The following PRDM16 variants were observed in gnomAD, a reference collection of about 807,000 sequenced individuals.
The protein encoded by PRDM16 is histone-lysine N-methyltransferase PRDM16.
Under a neutral mutation model 110.6 loss-of-function variants are expected in PRDM16, and 23 were observed. That is an observed-to-expected ratio of 0.21 (90% confidence interval 0.15 to 0.29). The LOEUF (loss-of-function observed/expected upper bound fraction) is 0.29. PRDM16 is among the 10% of genes least tolerant of loss of function. The probability of loss-of-function intolerance (pLI) is 1.00; values close to 1 mark genes in which losing one functional copy is unlikely to be tolerated. For synonymous variants in PRDM16, 799 were observed against 781.8 expected (o/e 1.02, Z -0.37); for missense variants, 1,615 against 1,794.3 (o/e 0.90, Z 1.81).
intron 1 of PRDM16, among the ~76,000 whole-genome samples, chr1:3,079,479 G>C (rs535112702): frequency 6.6e-6 from 1 of 152,306 alleles, no homozygotes; most frequent in East Asian, 1.9e-4. Flanking sequence ...GTAATGCAGA[G>C]AGTGTCTATT....
chr1:3,359,303 C>T lies in PRDM16; in HGVS notation c.439-25849C>T, dbSNP rs1002155837. Among the ~76,000 whole-genome samples, 9 of 152,298 alleles carry T rather than the reference C, an allele frequency of 5.9e-5. No homozygotes were observed. The highest frequency in any genetic ancestry group is 1.2e-4 in the Non-Finnish European group (8 of 68,022). ...TGTTGAAGTTGCTGACCCTCCTGGC[C>T]AAGGGCAGCTGCCTTTGTCCTGGAT... On this transcript the variant is annotated intron_variant, in intron 3 of 16. Transcript: ENST00000270722. The surrounding 1 kb of genome is among the most constrained non-coding windows in gnomAD (Gnocchi z 4.3).
At chr1:3,073,848 CCCT>C (rs1641826644) in intron 1 of PRDM16, among the ~76,000 whole-genome samples, 1 of 152,246 alleles carries the variant, frequency 6.6e-6, no homozygotes, top group African/African-American at 2.4e-5. Flanking sequence ...CCCCGGGGTC[CCCT>C]CCTCCTGGCC....
intron 12 of PRDM16, among the ~76,000 whole-genome samples, chr1:3,421,844 GCACACATGCAGACAGACAGGCAGA>G (rs1229700492): frequency 6.6e-6 from 1 of 152,246 alleles, no homozygotes; most frequent in African/African-American, 2.4e-5. Flanking sequence ...CCGTGTTTGA[GCACACATGCAGACAGACAGGCAGA>G]CACACAGGCA....
chr1:3,398,373 A>T (rs897160534), intron 5 of PRDM16, among the ~76,000 whole-genome samples: 2 of 151,678 alleles, frequency 1.3e-5, no homozygotes, highest in African/African-American at 4.9e-5. Context: ...GACTTTCCCT[A>T]CTCTTTCCTG....
chr1:3,120,795 A>T (rs922696269), intron 1 of PRDM16, among the ~76,000 whole-genome samples: 3 of 152,178 alleles, frequency 2.0e-5, no homozygotes, highest in Non-Finnish European at 4.4e-5. Flanking sequence ...GGCAGGGCCG[A>T]GCCCTGGCCA....
Position 3,326,995 on chromosome 1 carries a change from A to T in PRDM16, c.439-58157A>T, listed in dbSNP as rs545608019. ...CGCCTGCCCTGGGAGGAGCCCACGC[A>T]CAGGGCCTGGAGCGGGGCTGGGTGG... On this transcript the variant is annotated intron_variant, in intron 3 of 16. Transcript: ENST00000270722. Among the ~76,000 whole-genome samples the T allele has an allele frequency of 8.5e-5, 13 of 152,342 alleles. No individual in the cohort carries two copies. In the South Asian group the frequency reaches 2.1e-3, roughly 24 times the overall value.
In PRDM16 at chr1:3,213,339, A is replaced by G. The variant is rs1569856090; in HGVS notation, c.387+26865A>G. ...TCTGCTTAATTTGCTGACACAAATC[A>G]CCCTAACTATTTTGCTGGGGAGAGG... On this transcript the variant is annotated intron_variant, in intron 2 of 16. Transcript: ENST00000270722. This position sits in a 1 kb window ranked among gnomAD's most constrained non-coding sequence, Gnocchi z 5.3. Among the ~76,000 whole-genome samples, 1 of 132,042 alleles carries G rather than the reference A, an allele frequency of 7.6e-6. No individual in the cohort carries two copies. The highest frequency in any genetic ancestry group is 2.3e-4 in the South Asian group (1 of 4,318). The allele number at this position is 132,042 out of a possible 152,430, so 86.6% of individuals were successfully genotyped here. A position where few individuals can be genotyped will look rare whatever the true frequency, so the allele number is the denominator to read the frequency against.
At chr1:3,281,270 G>GCTGCT (rs1161949403) in intron 3 of PRDM16, among the ~76,000 whole-genome samples, 1 of 152,230 alleles carries the variant, frequency 6.6e-6, no homozygotes, top group Non-Finnish European at 1.5e-5. Context: ...AGGAGGCCTG[G>GCTGCT]CTGCTGAGAC....
At chr1:3,099,712 G>C (rs1344805947) in intron 1 of PRDM16, among the ~76,000 whole-genome samples, 1 of 152,194 alleles carries the variant, frequency 6.6e-6, no homozygotes, top group Non-Finnish European at 1.5e-5. Flanking sequence ...GCTGTAGGCT[G>C]GGGCCACCCA....
At chr1:3,205,121 G>A (rs1042380124) in intron 2 of PRDM16, among the ~76,000 whole-genome samples, 2 of 151,814 alleles carry the variant, frequency 1.3e-5, no homozygotes, top group Non-Finnish European at 2.9e-5. Flanking sequence ...CTTTTGTTTG[G>A]TGGGGGCGGG....
At chr1:3,399,815 C>T (rs2100636376) in intron 5 of PRDM16, among the ~76,000 whole-genome samples, 1 of 152,304 alleles carries the variant, frequency 6.6e-6, no homozygotes, top group Middle Eastern at 3.4e-3. Context: ...GATTGTTCTT[C>T]ATTGGGTCCA....
chr1:3,393,417 C>T (rs556935826), intron 4 of PRDM16, among the ~76,000 whole-genome samples: 4 of 152,360 alleles, frequency 2.6e-5, no homozygotes, highest in African/African-American at 7.2e-5. Flanking sequence ...GCGGTCTGAG[C>T]AGGACCCACC....
At chr1:3,155,338 C>T (rs566039535) in intron 1 of PRDM16, among the ~76,000 whole-genome samples, 3 of 152,358 alleles carry the variant, frequency 2.0e-5, no homozygotes, top group African/African-American at 7.2e-5. Flanking sequence ...GGCTTGGCCG[C>T]GGCTGCCGTG....
chr1:3,340,926 C>A (rs1227650651), intron 3 of PRDM16, among the ~76,000 whole-genome samples: 1 of 152,176 alleles, frequency 6.6e-6, no homozygotes, highest in Non-Finnish European at 1.5e-5. Flanking sequence ...TGGCTGGAGT[C>A]CTCCCTGGAG....
intron 2 of PRDM16, among the ~76,000 whole-genome samples, chr1:3,218,625 G>C (rs1389918209): frequency 2.6e-5 from 4 of 152,214 alleles, no homozygotes; most frequent in African/African-American, 9.6e-5. Flanking sequence ...CTTCCTTCTG[G>C]CTCTTTCTTT....
intron 1 of PRDM16, among the ~76,000 whole-genome samples, chr1:3,089,559 A>G (rs1444069401): frequency 1.1e-4 from 17 of 152,218 alleles, no homozygotes; most frequent in Admixed American, 1.1e-3. Flanking sequence ...CAGAAAACCA[A>G]TATTGTTTAT....
In PRDM16 at chr1:3,382,391, C is replaced by G. The variant is rs1643116975; in HGVS notation, c.439-2761C>G. Among the ~76,000 whole-genome samples, 1 of 152,208 alleles carries G rather than the reference C, an allele frequency of 6.6e-6. No individual in the cohort carries two copies. The highest frequency in any genetic ancestry group is 6.5e-5 in the Admixed American group (1 of 15,288). The stretch of plus-strand genomic sequence containing the variant: ...GACCTCCCTGGACAGCGTGAGGACC[C>G]TTCCTGCAGCCCCTTTAGGGACCAG... On this transcript the variant is annotated intron_variant, in intron 3 of 16. Transcript: ENST00000270722. The surrounding 1 kb of genome is among the most constrained non-coding windows in gnomAD (Gnocchi z 6.6).
chr1:3,380,722 T>C (rs1473136429), intron 3 of PRDM16, among the ~76,000 whole-genome samples: 1 of 152,114 alleles, frequency 6.6e-6, no homozygotes, highest in Non-Finnish European at 1.5e-5. Flanking sequence ...CGCACGCAAA[T>C]ACCTGCAGGG....
intron 3 of PRDM16, among the ~76,000 whole-genome samples, chr1:3,301,138 C>T (rs1641198772): frequency 6.6e-6 from 1 of 152,016 alleles, no homozygotes; most frequent in Non-Finnish European, 1.5e-5. Context: ...TGAGACCCAC[C>T]TGGGAAACCT....
Sources: gnomAD v4.1 joint callset for allele counts (sites outside exome capture counted in the v4.1 genomes callset) on GRCh38, gnomAD v4.1.1 for gene constraint, Gnocchi (gnomAD v3.1) non-coding constraint, MANE v1.5 for transcripts, NCBI Gene and HGNC (gene_info 2026-07-23, HGNC 2026-07-21) for gene names.